Variants in ELAPOR2 observed in about 807,000 individuals in gnomAD.
The protein encoded by ELAPOR2 is endosome-lysosome associated apoptosis and autophagy regulator family member 2.
A neutral mutation model predicts 120.7 loss-of-function variants in ELAPOR2; 89 were observed. That is an observed-to-expected ratio of 0.74 (90% CI 0.62 to 0.88). The LOEUF (loss-of-function observed/expected upper bound fraction) is 0.88. Ranked by LOEUF, ELAPOR2 falls within the 40% of genes least tolerant of loss-of-function variation. ELAPOR2 has a pLI of 0.00. For missense variants in ELAPOR2, 1,134 were observed against 1,251.6 expected (o/e 0.91, Z 1.42); for synonymous variants, 444 against 444.9 (o/e 1.00, Z 0.03).
chr7:87,008,554 TA>T (rs1793557149), intron 1 of ELAPOR2, among the ~76,000 whole-genome samples: 1 of 152,228 alleles, frequency 6.6e-6, no homozygotes, highest in Non-Finnish European at 1.5e-5. Context: ...AAAGATGTAC[TA>T]AAGTATTTTT....
chr7:86,937,801 T>C (rs763522890), intron 8 of ELAPOR2, among the ~76,000 whole-genome samples: 1 of 152,114 alleles, frequency 6.6e-6, no homozygotes, highest in Non-Finnish European at 1.5e-5. Flanking sequence ...TTGAGCACTA[T>C]GTGACAGGCA....
intron 8 of ELAPOR2, among the ~76,000 whole-genome samples, chr7:86,935,080 G>C (rs1790507635): frequency 6.6e-6 from 1 of 151,842 alleles, no homozygotes; most frequent in Non-Finnish European, 1.5e-5. Context: ...TTCTAATCTT[G>C]TATATAAAAC....
chr7:86,916,334 C>G (rs1789567029), intron 12 of ELAPOR2, among the ~76,000 whole-genome samples: 1 of 152,142 alleles, frequency 6.6e-6, no homozygotes, highest in African/African-American at 2.4e-5. Flanking sequence ...TGAGCTGCTA[C>G]TGAAGTATGA....
chr7:86,994,873 A>G (rs913115141), intron 1 of ELAPOR2, among the ~76,000 whole-genome samples: 3 of 152,190 alleles, frequency 2.0e-5, no homozygotes, highest in Non-Finnish European at 4.4e-5. Context: ...TTTAAACATG[A>G]TAAGTATCAA....
intron 1 of ELAPOR2, among the ~76,000 whole-genome samples, chr7:87,010,479 C>A (rs1187009524): frequency 6.6e-6 from 1 of 152,184 alleles, no homozygotes; most frequent in East Asian, 1.9e-4. Flanking sequence ...TGATACATTT[C>A]TATGCATTTC....
chr7:87,037,542 A>G (rs1794627043), intron 1 of ELAPOR2, among the ~76,000 whole-genome samples: 1 of 152,090 alleles, frequency 6.6e-6, no homozygotes, highest in South Asian at 2.1e-4. Context: ...TCATACTGTC[A>G]TGTGTTTAGT....
intron 21 of ELAPOR2, among the ~76,000 whole-genome samples, chr7:86,889,592 T>C (rs1788038336): frequency 6.6e-6 from 1 of 151,896 alleles, no homozygotes; most frequent in Non-Finnish European, 1.5e-5. Flanking sequence ...GGCAGTACAG[T>C]AGGAGATTTC....
chr7:86,979,480 CA>C (rs1269564538), intron 1 of ELAPOR2, among the ~76,000 whole-genome samples: 4 of 152,106 alleles, frequency 2.6e-5, no homozygotes, highest in African/African-American at 9.7e-5. Context: ...GCCTAACAAA[CA>C]AAAACAATAA....
chr7:87,039,982 C>T (rs1325784460), intron 1 of ELAPOR2, among the ~76,000 whole-genome samples: 1 of 152,154 alleles, frequency 6.6e-6, no homozygotes, highest in African/African-American at 2.4e-5. Context: ...CAGGGAGTTC[C>T]CTTTCCTAGT....
chr7:87,059,589 C>G lies in ELAPOR2; in HGVS notation c.-76G>C. On this transcript the variant is annotated 5_prime_UTR_variant, in exon 1 of 22. Transcript: ENST00000450689. The stretch of plus-strand genomic sequence containing the variant: ...TGCGGCGGCAGCTCCGGCTCCCGGG[C>G]CGCGACTGCTGTGCGCTCGTCTCGC... 1.8e-6 allele frequency: 2 copies of G among 1,127,694 alleles called. No individual in the cohort carries two copies. The highest frequency in any genetic ancestry group is 8.8e-5 in the South Asian group (2 of 22,850). 69.9% of individuals were successfully genotyped at this position (1,127,694 alleles called of 1,614,324 possible).
chr7:86,966,005 A>C (rs2116487913), intron 1 of ELAPOR2: 1 of 980,288 alleles, frequency 1.0e-6, no homozygotes, highest in South Asian at 4.7e-5. Flanking sequence ...TCCTAATTTT[A>C]ACATTTTTTG....
At chr7:86,998,722 A>T (rs1793208286) in intron 1 of ELAPOR2, among the ~76,000 whole-genome samples, 2 of 152,222 alleles carry the variant, frequency 1.3e-5, no homozygotes, top group Non-Finnish European at 2.9e-5. Context: ...GTTCACTTTC[A>T]GGGTTCTGTT....
chr7:86,953,523 T>C lies in ELAPOR2; in HGVS notation c.311-5601A>G, dbSNP rs565549198. On this transcript the variant is annotated intron_variant, in intron 2 of 21. Transcript: ENST00000450689. ...TGCTACCTTGGCATTTGTTCTTTAA[T>C]TAGATCATCAGGTTTTTTAATAATC... is the stretch of plus-strand genomic sequence containing the variant. Among the ~76,000 whole-genome samples, 14 of 152,326 alleles carry C rather than the reference T, an allele frequency of 9.2e-5. No individual in the cohort carries two copies. The East Asian group carries it at 1.4e-3, about 15-fold the overall frequency.
chr7:87,027,346 A>T (rs567986824), intron 1 of ELAPOR2, among the ~76,000 whole-genome samples: 1 of 152,282 alleles, frequency 6.6e-6, no homozygotes, highest in African/African-American at 2.4e-5. Flanking sequence ...ATCATTTCAA[A>T]TGACACATAC....
intron 10 of ELAPOR2, among the ~76,000 whole-genome samples, chr7:86,922,366 T>A (rs1789870892): frequency 6.6e-6 from 1 of 151,772 alleles, no homozygotes; most frequent in South Asian, 2.1e-4. Context: ...TATTTTAAGA[T>A]TATTTTGTAT....
At chr7:86,914,227 G>A (rs938499821) in intron 13 of ELAPOR2, among the ~76,000 whole-genome samples, 1 of 152,136 alleles carries the variant, frequency 6.6e-6, no homozygotes, top group Non-Finnish European at 1.5e-5. Flanking sequence ...TATTCTGGCA[G>A]GGAAAATAAA....
At chr7:87,013,427 C>T (rs921544711) in intron 1 of ELAPOR2, among the ~76,000 whole-genome samples, 6 of 152,086 alleles carry the variant, frequency 3.9e-5, no homozygotes, top group Admixed American at 6.6e-5. Context: ...ATATAATGAG[C>T]TTGTTTTCTG....
At chr7:87,023,331 C>A (rs1258526446) in intron 1 of ELAPOR2, among the ~76,000 whole-genome samples, 1 of 152,158 alleles carries the variant, frequency 6.6e-6, no homozygotes, top group Non-Finnish European at 1.5e-5. Context: ...AATCCTTTCC[C>A]CATTTCTTGT....
At chr7:86,946,937 G>A (rs111855063) in intron 3 of ELAPOR2, among the ~76,000 whole-genome samples, 1 of 152,054 alleles carries the variant, frequency 6.6e-6, no homozygotes, top group South Asian at 2.1e-4. Context: ...TTAAAATAAA[G>A]AAATTGGCAT....
Sources: allele counts gnomAD v4.1 joint callset (sites outside exome capture counted in the v4.1 genomes callset), GRCh38; gene constraint gnomAD v4.1.1; transcripts MANE v1.5; gene names NCBI Gene and HGNC (gene_info 2026-07-23, HGNC 2026-07-21).